LRP8: variants seen among roughly 807,000 people sequenced by gnomAD.
The protein encoded by LRP8 is LDL receptor related protein 8.
A neutral mutation model predicts 111.6 loss-of-function variants in LRP8; 46 were observed. The ratio of observed to expected loss-of-function variants is 0.41; its 90% confidence interval spans 0.33 to 0.53. The LOEUF is 0.53. Among genes scored for constraint, LRP8 ranks in the 20% least tolerant of loss-of-function variants. LRP8 has a pLI of 0.20. For synonymous variants in LRP8, 464 were observed against 511.2 expected, an observed-to-expected ratio of 0.91 and a Z score of 1.24; for missense variants, 959 against 1,297.4, an observed-to-expected ratio of 0.74 and a Z score of 4.01.
chr1:53,282,312 G>A (rs189421169), intron 3 of LRP8, among the ~76,000 whole-genome samples: 38 of 152,308 alleles, frequency 2.5e-4, no homozygotes, highest in Admixed American at 2.4e-3. Flanking sequence ...CAGGATTCCT[G>A]GTATTCATTT....
intron 2 of LRP8, among the ~76,000 whole-genome samples, chr1:53,325,756 G>A (rs569104523): frequency 3.3e-5 from 5 of 152,296 alleles, no homozygotes; most frequent in South Asian, 2.1e-4. Flanking sequence ...TCCACCTGTC[G>A]CCCTCCTCCC....
chr1:53,277,143 G>A, intron 4 of LRP8, 65 bp from the exon 5 acceptor site: 1 of 1,381,018 alleles, frequency 7.2e-7, no homozygotes, highest in Non-Finnish European at 9.3e-7. Context: ...GGCCCCGCTG[G>A]TCCGGCTACA....
intron 16 of LRP8, 124 bp downstream of exon 16, chr1:53,254,993 G>A (rs1646029103): frequency 2.0e-6 from 2 of 991,822 alleles, no homozygotes; most frequent in African/African-American, 3.2e-5. Flanking sequence ...TGGGAGGTGG[G>A]CAGGAAGGCT....
intron 2 of LRP8, among the ~76,000 whole-genome samples, chr1:53,326,252 T>C (rs776364346): frequency 2.0e-5 from 3 of 152,178 alleles, no homozygotes; most frequent in Non-Finnish European, 4.4e-5. Context: ...CCTACCACCC[T>C]AAGGATATGC....
intron 16 of LRP8, among the ~76,000 whole-genome samples, chr1:53,253,478 C>CTGA (rs1346997502): frequency 6.6e-6 from 1 of 152,100 alleles, no homozygotes; most frequent in African/African-American, 2.4e-5. Flanking sequence ...AGTAAAGGGG[C>CTGA]TGATAAGCTT....
At chr1:53,273,798 T>G (rs570623137) in intron 6 of LRP8, among the ~76,000 whole-genome samples, 1 of 152,070 alleles carries the variant, frequency 6.6e-6, no homozygotes, top group Non-Finnish European at 1.5e-5. Context: ...GGGAAGGAAA[T>G]ATGCTCTTCC....
At chr1:53,305,174 G>A (rs1263015649) in intron 2 of LRP8, 1 of 152,238 alleles carries the variant, frequency 6.6e-6, no homozygotes, top group Non-Finnish European at 1.5e-5. Context: ...GTGAAGGAAC[G>A]CAGGACTCAA....
Position 53,250,421 on chromosome 1 carries a change from G to A in LRP8, c.2676+269C>T, listed in dbSNP as rs1645856480. Among the ~76,000 whole-genome samples the A allele has an allele frequency of 6.6e-6, 1 of 152,040 alleles. No homozygotes were observed. The highest frequency in any genetic ancestry group is 2.1e-4 in the South Asian group (1 of 4,818). ...ACCCCAGCATTTCTGTGTTCCCCAG[G>A]GCCTAGAACAGTGCCTGATACATGG... On this transcript the variant is annotated intron_variant, in intron 17 of 18. Coordinates refer to ENST00000306052, the MANE Select transcript of LRP8 (RefSeq NM_004631.5). This position sits in a 1 kb window ranked among gnomAD's most constrained non-coding sequence, Gnocchi z 4.6.
Position 53,250,621 on chromosome 1 carries a change from G to A in LRP8, c.2676+69C>T. 7.3e-7 allele frequency: 1 copy of A among 1,370,218 alleles called. No individual in the cohort carries two copies. The highest frequency in any genetic ancestry group is 1.4e-5 in the African/African-American group (1 of 70,278). 84.9% of individuals were successfully genotyped at this position (1,370,218 alleles called of 1,614,324 possible). A position where few individuals can be genotyped will look rare whatever the true frequency, so the allele number is the denominator to read the frequency against. The stretch of plus-strand genomic sequence containing the variant: ...GAAAGGATGGGAAGGAAGAAAGGAT[G>A]GGAGGGGAAGAAAGGATGGAAGGGA... On this transcript the variant is annotated intron_variant, in intron 17 of 18. Transcript: ENST00000306052. The surrounding 1 kb of genome is among the most constrained non-coding windows in gnomAD (Gnocchi z 4.6).
At chr1:53,308,973 G>A (rs1652505586) in intron 2 of LRP8, among the ~76,000 whole-genome samples, 1 of 152,142 alleles carries the variant, frequency 6.6e-6, no homozygotes, top group Admixed American at 6.5e-5. Context: ...CCCCCTCAGA[G>A]GGCTGTTAAA....
chr1:53,321,354 A>G (rs1228845617), intron 2 of LRP8, among the ~76,000 whole-genome samples: 1 of 152,122 alleles, frequency 6.6e-6, no homozygotes, highest in Non-Finnish European at 1.5e-5. Flanking sequence ...AACGTTACTT[A>G]GGCCTGGGGC....
At chr1:53,306,943 A>G (rs1438271604) in intron 2 of LRP8, among the ~76,000 whole-genome samples, 1 of 152,128 alleles carries the variant, frequency 6.6e-6, no homozygotes, top group African/African-American at 2.4e-5. Flanking sequence ...TCAGAGAGGG[A>G]CAGGATGGGC....
At position 53,265,966 on chromosome 1, in the gene LRP8, G is replaced by C. The variant is rs77150880; in HGVS notation, c.1427+507C>G. ...TGGCGTCAAAGACAGTGAAAAGCTGGCCTTGGGGTGATGCCATCCAGGAAG... is the reference window on the plus strand; with the variant it reads ...TGGCGTCAAAGACAGTGAAAAGCTGCCCTTGGGGTGATGCCATCCAGGAAG... On this transcript the variant is annotated intron_variant, in intron 9 of 18. Coordinates refer to ENST00000306052, the MANE Select transcript of LRP8 (RefSeq NM_004631.5). Among the ~76,000 whole-genome samples, 943 of 152,330 alleles carry C rather than the reference G, an allele frequency of 6.2e-3. 5 individuals are homozygous for C. Among genetic ancestry groups the C allele is most frequent in the Middle Eastern group, 0.02 (6 of 294 alleles).
rs1053405432 is a variant in LRP8, at chr1:53,262,204, A to C, written c.1778T>G (p.Leu593Arg). The C allele has an allele frequency of 5.6e-6, 9 of 1,613,076 alleles. No individual in the cohort carries two copies. The highest frequency in any genetic ancestry group is 1.3e-5 in the African/African-American group (1 of 74,904). ...IEWPNGITLDLLSQRLYWVDS... is the reference protein window; with the variant it reads ...IEWPNGITLDRLSQRLYWVDS... ...TACCCAGTACAAGCGCTGGCTCAGCAGATCTTGGGAAGGAAGCAGGATCAG... is the reference window on the plus strand; with the variant it reads ...TACCCAGTACAAGCGCTGGCTCAGCCGATCTTGGGAAGGAAGCAGGATCAG... Residue 593 changes from leucine to arginine, a missense_variant, in exon 12 of 19, where the codon CTG (leucine) becomes CGG (arginine). Leu to Arg is a moderately radical substitution (Grantham distance 102). Coordinates refer to ENST00000306052, the MANE Select transcript of LRP8 (RefSeq NM_004631.5). This position sits in a 1 kb window ranked among gnomAD's most constrained non-coding sequence, Gnocchi z 4.8.
intron 2 of LRP8, among the ~76,000 whole-genome samples, chr1:53,326,159 A>T (rs1655093011): frequency 6.6e-6 from 1 of 152,248 alleles, no homozygotes; most frequent in Non-Finnish European, 1.5e-5. Context: ...GGCTAGCAGG[A>T]AAGCGCGGTC....
chr1:53,275,536 C>A lies in LRP8; in HGVS notation c.1006+95G>T. On this transcript the variant is annotated intron_variant, in intron 6 of 18. Transcript: ENST00000306052. The surrounding 1 kb of genome is among the most constrained non-coding windows in gnomAD (Gnocchi z 4.4). ...CTGGGGGAAAATGCATCTTGGGGAC[C>A]AAGGGGAAACTCCTCCCAACTCTGC... 1 of 1,516,520 alleles carries A rather than the reference C, an allele frequency of 6.6e-7. No homozygotes were observed. The highest frequency in any genetic ancestry group is 9.0e-7 in the Non-Finnish European group (1 of 1,117,262). 93.9% of individuals were successfully genotyped at this position (1,516,520 alleles called of 1,614,324 possible).
At chr1:53,272,658 C>T in intron 6 of LRP8, 3 of 1,289,506 alleles carry the variant, frequency 2.3e-6, no homozygotes, top group Non-Finnish European at 3.0e-6. Flanking sequence ...AGAACAAGAC[C>T]ACAGCAACTC....
rs559665127 is a variant in LRP8, at chr1:53,258,755, A to T, written c.2057-284T>A. ...CCTAATGTGTAATTTTTTTTTTTTT[A>T]AATCTCTAGCCCCGCTATTACCTTC... On this transcript the variant is annotated intron_variant, in intron 13 of 18. Coordinates refer to ENST00000306052, the MANE Select transcript of LRP8 (RefSeq NM_004631.5). 6.3e-5 allele frequency among the ~76,000 whole-genome samples: 9 copies of T among 143,332 alleles called. No homozygotes were observed. In the South Asian group the frequency reaches 8.6e-4, roughly 14 times the overall value. The allele number at this position is 143,332 out of a possible 152,430, so 94.0% of individuals were successfully genotyped here.
In LRP8 at chr1:53,293,960, C is replaced by T. The variant is rs940106298; in HGVS notation, c.245-4271G>A. On this transcript the variant is annotated intron_variant, in intron 2 of 18. Transcript: ENST00000306052. This position sits in a 1 kb window ranked among gnomAD's most constrained non-coding sequence, Gnocchi z 4.9. The stretch of plus-strand genomic sequence containing the variant: ...TCCTGGTGAACACCCAGTGTCAGGC[C>T]GTTCAGTGCAATGAGCCCAATAGTC... Among the ~76,000 whole-genome samples, 1 of 152,138 alleles carries T rather than the reference C, an allele frequency of 6.6e-6. No homozygotes were observed. Among genetic ancestry groups the T allele is most frequent in the Admixed American group, 6.6e-5 (1 of 15,266 alleles).
Sources: allele counts gnomAD v4.1 joint callset (sites outside exome capture counted in the v4.1 genomes callset), GRCh38; gene constraint gnomAD v4.1.1; non-coding constraint Gnocchi (gnomAD v3.1); transcripts MANE v1.5; gene names NCBI Gene and HGNC (gene_info 2026-07-23, HGNC 2026-07-21).